CELF2: variants seen among roughly 807,000 people sequenced by gnomAD.
CELF2 encodes CUG triplet repeat RNA-binding protein 2.
CELF2 carries 8 observed loss-of-function variants against 62.6 expected under a neutral mutation model. The ratio of observed to expected loss-of-function variants is 0.13; its 90% CI spans 0.07 to 0.23. The LOEUF (loss-of-function observed/expected upper bound fraction) is 0.23. CELF2 is among the 10% of genes least tolerant of loss of function. The pLI is 1.00. For missense variants in CELF2, 333 were observed against 671.0 expected (o/e 0.50, Z 5.56); for synonymous variants, 258 against 250.0 (o/e 1.03, Z -0.30).
At chr10:10,503,768 A>G in the CELF2 span, among the ~76,000 whole-genome samples, 15 of 151,582 alleles carry the variant, frequency 9.9e-5, no homozygotes, top group Non-Finnish European at 1.9e-4. Context: ...CTAGCATTTC[A>G]TTTTTTATTG....
chr10:10,986,723 G>A (rs540719393), intron 2 of CELF2, among the ~76,000 whole-genome samples: 97 of 152,296 alleles, frequency 6.4e-4, no homozygotes, highest in South Asian at 2.3e-3. Context: ...CAACTGTAAC[G>A]GGCATTTCCA....
At chr10:10,478,498 G>GAA in the CELF2 span, among the ~76,000 whole-genome samples, 50 of 151,824 alleles carry the variant, frequency 3.3e-4, 1 homozygote, top group South Asian at 1.0e-3. Context: ...TTGTTTTGGA[G>GAA]AAAAAAAATC....
In CELF2 at chr10:10,894,849, T is replaced by A. The variant is rs190136873; in HGVS notation, c.54-25115T>A. On this transcript the variant is annotated intron_variant, in intron 1 of 13. Transcript: ENST00000636488. ...CTACTATGATTTCATACTCTGTTTA[T>A]AAACCGGAAAATGTCTGTCCATTTA... 3.1e-3 allele frequency among the ~76,000 whole-genome samples: 478 copies of A among 152,346 alleles called. 4 individuals are homozygous for A. The highest frequency in any genetic ancestry group is 0.011 in the African/African-American group (454 of 41,580).
rs1030246945 is a variant in CELF2, at chr10:11,110,901, G to A, written c.75-54585G>A. ...GCAAAGCCCTTGGAAACGCAGCACTGCAATGAGCATTTTATTGAATTCTTT... is the reference window on the plus strand; with the variant it reads ...GCAAAGCCCTTGGAAACGCAGCACTACAATGAGCATTTTATTGAATTCTTT... On this transcript the variant is annotated intron_variant, in intron 1 of 12. Coordinates refer to ENST00000633077, the MANE Select transcript of CELF2 (RefSeq NM_001326342.2). This position sits in a 1 kb window ranked among gnomAD's most constrained non-coding sequence, Gnocchi z 4.0. Among the ~76,000 whole-genome samples, 6 of 152,148 alleles carry A rather than the reference G, an allele frequency of 3.9e-5. No individual in the cohort carries two copies. The highest frequency in any genetic ancestry group is 2.6e-4 in the Admixed American group (4 of 15,276).
Position 11,315,133 on chromosome 10 carries a change from C to T in CELF2, c.1096+875C>T, listed in dbSNP as rs781311593. Among the ~76,000 whole-genome samples, 8 of 152,124 alleles carry T rather than the reference C, an allele frequency of 5.3e-5. No homozygotes were observed. The highest frequency in any genetic ancestry group is 8.8e-5 in the Non-Finnish European group (6 of 68,032). ...TTTAGATTCATGCTCGGTGTGGGTT[C>T]CTGTACTGAGGAAACTGATCCTCAG... On this transcript the variant is annotated intron_variant, in intron 10 of 12. Coordinates refer to ENST00000633077, the MANE Select transcript of CELF2 (RefSeq NM_001326342.2). The surrounding 1 kb of genome is among the most constrained non-coding windows in gnomAD (Gnocchi z 5.8).
At chr10:10,674,738 A>G in the CELF2 span, among the ~76,000 whole-genome samples, 2 of 152,186 alleles carry the variant, frequency 1.3e-5, no homozygotes, top group East Asian at 3.8e-4. Context: ...TAATTTCAAA[A>G]AGAATAACAA....
chr10:10,688,226 T>TA, the CELF2 span, among the ~76,000 whole-genome samples: 1 of 152,226 alleles, frequency 6.6e-6, no homozygotes, highest in African/African-American at 2.4e-5. Flanking sequence ...GTCCTGTAAC[T>TA]GCAGCTTGAA....
chr10:10,469,210 A>T, the CELF2 span, among the ~76,000 whole-genome samples: 1 of 151,950 alleles, frequency 6.6e-6, no homozygotes, highest in African/African-American at 2.4e-5. Flanking sequence ...GTTATCGTGC[A>T]TATTTTAAAA....
intron 1 of CELF2, among the ~76,000 whole-genome samples, chr10:11,116,581 A>G (rs1202383005): frequency 6.6e-6 from 1 of 152,186 alleles, no homozygotes; most frequent in African/African-American, 2.4e-5. Flanking sequence ...TGGCAAAATC[A>G]GTTGGTGGTT....
At chr10:10,920,034 T>C in intron 2 of CELF2, 2 of 1,218,192 alleles carry the variant, frequency 1.6e-6, no homozygotes, top group Non-Finnish European at 2.0e-6. Flanking sequence ...CTATGCCCGA[T>C]TTCTTATATC....
At chr10:10,527,681 T>C in the CELF2 span, among the ~76,000 whole-genome samples, 1 of 152,172 alleles carries the variant, frequency 6.6e-6, no homozygotes, top group Admixed American at 6.5e-5. Flanking sequence ...TCTCTAGCAG[T>C]GATTGAAGAA....
chr10:10,775,586 G>T, the CELF2 span, among the ~76,000 whole-genome samples: 1 of 150,772 alleles, frequency 6.6e-6, no homozygotes, highest in Admixed American at 6.6e-5. Context: ...AGATGGTGCC[G>T]CTGCATGACA....
chr10:10,643,289 C>G, the CELF2 span, among the ~76,000 whole-genome samples: 1 of 151,790 alleles, frequency 6.6e-6, no homozygotes, highest in Non-Finnish European at 1.5e-5. Flanking sequence ...GGGAGGGACC[C>G]AGTTGGAGAT....
At chr10:10,696,955 C>A in the CELF2 span, among the ~76,000 whole-genome samples, 1 of 152,296 alleles carries the variant, frequency 6.6e-6, no homozygotes, top group South Asian at 2.1e-4. Flanking sequence ...GCGTCGCTCA[C>A]GCTGGGAGCT....
intron 3 of CELF2, among the ~76,000 whole-genome samples, chr10:11,239,672 C>T (rs2073041164): frequency 6.6e-6 from 1 of 152,192 alleles, no homozygotes; most frequent in Admixed American, 6.5e-5. Flanking sequence ...ATAAGGATCA[C>T]TTCTGTTTCT....
the CELF2 span, among the ~76,000 whole-genome samples, chr10:10,730,286 G>C: frequency 1.3e-5 from 2 of 152,152 alleles, no homozygotes; most frequent in African/African-American, 4.8e-5. Context: ...AGACCAGCCT[G>C]GCCAAGATGG....
chr10:10,616,721 A>T, the CELF2 span, among the ~76,000 whole-genome samples: 1,121 of 66,260 alleles, frequency 0.017, 6 homozygotes, highest in Middle Eastern at 0.045. Context: ...TGTGTGTGTG[A>T]GAGAGAGAGA....
upstream of CELF2, among the ~76,000 whole-genome samples, chr10:11,003,651 G>A (rs957013001): frequency 2.0e-5 from 3 of 152,074 alleles, no homozygotes; most frequent in Admixed American, 6.6e-5. The surrounding 1 kb of genome is among the most constrained non-coding windows in gnomAD (Gnocchi z 4.4). Flanking sequence ...CCCCAGCACC[G>A]AGCACAAGTC....
At chr10:11,021,030 T>A (rs916493080) in intron 1 of CELF2, among the ~76,000 whole-genome samples, 3 of 152,378 alleles carry the variant, frequency 2.0e-5, no homozygotes, top group East Asian at 1.9e-4. Context: ...GATTTTTTTT[T>A]AAATTTGATT....
Sources: gnomAD v4.1 joint callset for allele counts (sites outside exome capture counted in the v4.1 genomes callset) on GRCh38, gnomAD v4.1.1 for gene constraint, Gnocchi (gnomAD v3.1) non-coding constraint, MANE v1.5 for transcripts, NCBI Gene and HGNC (gene_info 2026-07-23, HGNC 2026-07-21) for gene names.